COL25A1: variants seen among roughly 807,000 people sequenced by gnomAD.
The protein encoded by COL25A1 is collagen alpha-1(XXV) chain.
In COL25A1, 103 loss-of-function variants were observed where a neutral mutation model predicts 128.4. The ratio of observed to expected loss-of-function variants is 0.80; its 90% CI spans 0.68 to 0.94. COL25A1 has a LOEUF of 0.94. COL25A1 is among the 40% of genes least tolerant of loss of function. The probability of loss-of-function intolerance (pLI) is 0.00; values close to 1 mark genes in which losing one functional copy is unlikely to be tolerated. For missense variants in COL25A1, 745 were observed against 840.0 expected, an observed-to-expected ratio of 0.89 and a Z score of 1.40; for synonymous variants, 279 against 277.2, an observed-to-expected ratio of 1.01 and a Z score of -0.06.
At chr4:108,959,469 G>GA (rs1385252808) in intron 8 of COL25A1, among the ~76,000 whole-genome samples, 5 of 151,960 alleles carry the variant, frequency 3.3e-5, no homozygotes, top group Admixed American at 1.3e-4. Context: ...CCAGTAATAG[G>GA]AAAAAATAAA....
intron 6 of COL25A1, among the ~76,000 whole-genome samples, chr4:108,975,420 C>T (rs1306289056): frequency 1.3e-5 from 2 of 152,262 alleles, no homozygotes; most frequent in Admixed American, 6.5e-5. Flanking sequence ...TGTGCCACTG[C>T]ACTCCAGCCT....
At chr4:109,234,881 T>TA (rs1325650818) in intron 3 of COL25A1, among the ~76,000 whole-genome samples, 3 of 152,134 alleles carry the variant, frequency 2.0e-5, no homozygotes, top group African/African-American at 7.2e-5. Flanking sequence ...TAGAAGCTTA[T>TA]ATTTTTCAGA....
chr4:109,104,401 ACT>A (rs112054758), intron 3 of COL25A1, among the ~76,000 whole-genome samples: 274 of 150,072 alleles, frequency 1.8e-3, no homozygotes, highest in Non-Finnish European at 3.4e-3. Flanking sequence ...AAAGGAAATC[ACT>A]CTCTCTCTCT....
intron 13 of COL25A1, among the ~76,000 whole-genome samples, chr4:108,915,137 T>C (rs1744718979): frequency 6.6e-6 from 1 of 152,208 alleles, no homozygotes; most frequent in Non-Finnish European, 1.5e-5. Context: ...TGCCACTGCA[T>C]AAGCAGTCCT....
chr4:108,976,819 G>A (rs1560960354), intron 6 of COL25A1, among the ~76,000 whole-genome samples: 2 of 152,184 alleles, frequency 1.3e-5, no homozygotes, highest in Non-Finnish European at 2.9e-5. Flanking sequence ...TAACAGCTGT[G>A]AAATTACCAT....
At chr4:109,275,316 C>T (rs555237541) in intron 3 of COL25A1, among the ~76,000 whole-genome samples, 30 of 152,264 alleles carry the variant, frequency 2.0e-4, no homozygotes, top group South Asian at 4.1e-4. Context: ...CCTCTTCTCA[C>T]GAGCCATTAT....
intron 11 of COL25A1, among the ~76,000 whole-genome samples, chr4:108,934,460 T>G (rs1269906545): frequency 1.3e-5 from 2 of 152,014 alleles, no homozygotes; most frequent in Non-Finnish European, 2.9e-5. Flanking sequence ...ATTGTGCACA[T>G]GTACCCTAGA....
At chr4:109,126,986 T>C (rs1212445172) in intron 3 of COL25A1, among the ~76,000 whole-genome samples, 1 of 152,074 alleles carries the variant, frequency 6.6e-6, no homozygotes, top group Non-Finnish European at 1.5e-5. Context: ...CTAACTTATG[T>C]TTTTCATTCA....
intron 6 of COL25A1, among the ~76,000 whole-genome samples, chr4:108,986,985 T>C (rs537766466): frequency 2.0e-5 from 3 of 152,194 alleles, no homozygotes; most frequent in Admixed American, 6.5e-5. Context: ...AGATTAGCAA[T>C]TGATGTTTCT....
intron 19 of COL25A1, among the ~76,000 whole-genome samples, chr4:108,877,512 AT>A (rs1312592292): frequency 6.6e-6 from 1 of 152,216 alleles, no homozygotes; most frequent in Non-Finnish European, 1.5e-5. Flanking sequence ...GGTCCTATTC[AT>A]TCTATATAAG....
chr4:109,059,477 T>C (rs977130740), intron 3 of COL25A1, among the ~76,000 whole-genome samples: 3 of 152,242 alleles, frequency 2.0e-5, no homozygotes, highest in Non-Finnish European at 4.4e-5. Context: ...AACATGTTCA[T>C]GAGTATTTCT....
chr4:109,133,749 C>T (rs1769437927), intron 3 of COL25A1, among the ~76,000 whole-genome samples: 2 of 152,062 alleles, frequency 1.3e-5, no homozygotes, highest in Admixed American at 1.3e-4. Flanking sequence ...TGGATAATTG[C>T]TTAAGTCTAT....
chr4:109,104,025 T>A (rs1022679044), intron 3 of COL25A1, among the ~76,000 whole-genome samples: 2 of 152,022 alleles, frequency 1.3e-5, no homozygotes, highest in Admixed American at 1.3e-4. Context: ...TAACAGAAAA[T>A]TTTTTATAGA....
At chr4:108,933,776 C>G (rs1218247962) in intron 11 of COL25A1, among the ~76,000 whole-genome samples, 1 of 151,972 alleles carries the variant, frequency 6.6e-6, no homozygotes, top group African/African-American at 2.4e-5. Flanking sequence ...AAAAGGATCA[C>G]AGACTATAGT....
chr4:109,232,402 C>A (rs1444743230), intron 3 of COL25A1, among the ~76,000 whole-genome samples: 2 of 152,150 alleles, frequency 1.3e-5, no homozygotes, highest in Non-Finnish European at 1.5e-5. Context: ...TGTTAAGTAA[C>A]ACTCCTATAA....
intron 18 of COL25A1, among the ~76,000 whole-genome samples, chr4:108,886,756 G>A (rs185947959): frequency 1.4e-4 from 21 of 152,182 alleles, no homozygotes; most frequent in African/African-American, 4.6e-4. Context: ...AATCAAAAGT[G>A]TAACATATCT....
At chr4:109,287,979 T>C (rs1724049584) in intron 3 of COL25A1, among the ~76,000 whole-genome samples, 2 of 151,940 alleles carry the variant, frequency 1.3e-5, no homozygotes, top group African/African-American at 2.4e-5. Flanking sequence ...CAACAACACA[T>C]GCATGAGTAA....
intron 31 of COL25A1, among the ~76,000 whole-genome samples, chr4:108,839,705 A>G (rs1407631153): frequency 6.6e-6 from 1 of 152,222 alleles, no homozygotes; most frequent in Non-Finnish European, 1.5e-5. Context: ...CATCTATGAA[A>G]TCAGGGAACT....
intron 3 of COL25A1, among the ~76,000 whole-genome samples, chr4:109,197,067 C>T (rs775792777): frequency 5.3e-5 from 8 of 151,732 alleles, no homozygotes; most frequent in African/African-American, 1.9e-4. Context: ...CCTGTAATCC[C>T]AGCATTTTGG....
Sources: gnomAD v4.1 joint callset for allele counts (sites outside exome capture counted in the v4.1 genomes callset) on GRCh38, gnomAD v4.1.1 for gene constraint, MANE v1.5 for transcripts, NCBI Gene and HGNC (gene_info 2026-07-23, HGNC 2026-07-21) for gene names.